BBS9: variants seen among roughly 807,000 people sequenced by gnomAD.
BBS9 encodes the protein Bardet-Biedl syndrome 9, also known as protein PTHB1.
Under a neutral mutation model 117.7 loss-of-function variants are expected in BBS9, and 89 were observed. The observed-to-expected ratio is 0.76, with a 90% confidence interval of 0.64 to 0.90. The LOEUF (loss-of-function observed/expected upper bound fraction) is 0.90, where lower values mean the gene tolerates loss of function less well. Among genes scored for constraint, BBS9 ranks in the 40% least tolerant of loss-of-function variants. The probability of loss-of-function intolerance (pLI) is 0.00; values close to 1 mark genes in which losing one functional copy is unlikely to be tolerated. For missense variants in BBS9, 982 were observed against 1,042.2 expected (o/e 0.94, Z 0.80); for synonymous variants, 379 against 370.9 (o/e 1.02, Z -0.25).
chr7:33,475,360 A>C, intron 19 of BBS9, among the ~76,000 whole-genome samples: 1 of 152,244 alleles, frequency 6.6e-6, no homozygotes, highest in East Asian at 1.9e-4. Context: ...GTTAGAATCA[A>C]CTGGGGACTT....
At chr7:33,189,389 G>C (rs747861023) in intron 5 of BBS9, among the ~76,000 whole-genome samples, 2 of 151,900 alleles carry the variant, frequency 1.3e-5, no homozygotes, top group Admixed American at 6.6e-5. Flanking sequence ...GTTTCTCATC[G>C]TGTAATTTGT....
At chr7:33,424,026 G>A (rs576757723) in intron 19 of BBS9, among the ~76,000 whole-genome samples, 14 of 151,858 alleles carry the variant, frequency 9.2e-5, no homozygotes, top group Admixed American at 5.2e-4. Context: ...TTTTTGCTCC[G>A]GCCACCAGCA....
At chr7:33,385,089 G>C (rs1219721019) in intron 18 of BBS9, among the ~76,000 whole-genome samples, 2 of 151,992 alleles carry the variant, frequency 1.3e-5, no homozygotes, top group Non-Finnish European at 2.9e-5. Context: ...TTTGTGAAAG[G>C]GTCCATGGAA....
intron 19 of BBS9, among the ~76,000 whole-genome samples, chr7:33,440,673 G>A (rs537969522): frequency 3.9e-5 from 6 of 152,256 alleles, no homozygotes; most frequent in South Asian, 2.1e-4. Context: ...ACCTAAAAAC[G>A]TACTGAATCA....
chr7:33,344,524 C>G (rs375838895), intron 11 of BBS9, 57 bp from the exon 12 acceptor site: 1 of 1,449,952 alleles, frequency 6.9e-7, no homozygotes, highest in Non-Finnish European at 9.7e-7. Context: ...TGTGTTCACT[C>G]ACTGCTGTGT....
chr7:33,449,655 G>C (rs144440795), intron 19 of BBS9, among the ~76,000 whole-genome samples: 1 of 152,134 alleles, frequency 6.6e-6, no homozygotes, highest in Non-Finnish European at 1.5e-5. Flanking sequence ...CTGTGTTAGA[G>C]TACAAAGACA....
At chr7:33,207,710 G>A (rs1787204156) in intron 5 of BBS9, among the ~76,000 whole-genome samples, 1 of 152,042 alleles carries the variant, frequency 6.6e-6, no homozygotes, top group African/African-American at 2.4e-5. Context: ...CAGGGACAGT[G>A]CTAGAAAATA....
intron 19 of BBS9, among the ~76,000 whole-genome samples, chr7:33,424,605 G>A (rs2128864735): frequency 6.6e-6 from 1 of 152,194 alleles, no homozygotes; most frequent in Non-Finnish European, 1.5e-5. Context: ...ACCAGAAACA[G>A]GTATTTAAAA....
At chr7:33,544,315 G>A (rs12701303) in intron 21 of BBS9, among the ~76,000 whole-genome samples, 3,621 of 152,210 alleles carry the variant, frequency 0.024, 54 homozygotes, top group Non-Finnish European at 0.036. Context: ...TTCTCATTTG[G>A]GTAGTCTCTG....
intron 9 of BBS9, among the ~76,000 whole-genome samples, chr7:33,335,444 T>TAACAAACA (rs1815135318): frequency 6.6e-6 from 1 of 152,154 alleles, no homozygotes; most frequent in African/African-American, 2.4e-5. Context: ...GTAGAAAACC[T>TAACAAACA]AACAAACAAA....
At position 33,273,085 on chromosome 7, in the gene BBS9, C is replaced by T. The variant is rs1241493246; in HGVS notation, c.776C>T (p.Ser259Phe). The T allele has an allele frequency of 6.2e-7, 1 of 1,613,624 alleles. No individual in the cohort carries two copies. Among genetic ancestry groups the T allele is most frequent in the Non-Finnish European group, 8.5e-7 (1 of 1,179,814 alleles). ...CIVSFNQSAS[S>F]VFVLGERNFF... ...GTCTCTTTCAATCAGTCGGCATCCT[C>T]TGTTTTTGTTCTTGGTGAGAGAAAC... Residue 259 changes from serine to phenylalanine, a missense_variant, in exon 8 of 23, where the codon TCT (serine) becomes TTT (phenylalanine). Coordinates refer to ENST00000242067, the MANE Select transcript of BBS9 (RefSeq NM_198428.3).
At chr7:33,259,924 TC>T in intron 6 of BBS9, among the ~76,000 whole-genome samples, 1 of 151,848 alleles carries the variant, frequency 6.6e-6, no homozygotes. Flanking sequence ...TTTGAAGGTT[TC>T]TTCTCATATC....
At chr7:33,604,753 G>A in intron 21 of BBS9, 112 bp from the exon 22 acceptor site, 1 of 798,520 alleles carries the variant, frequency 1.3e-6, no homozygotes, top group Middle Eastern at 3.4e-4. Context: ...GAAGATTGTT[G>A]TCACGTCATT....
At chr7:33,256,356 T>C (rs1797074757) in intron 5 of BBS9, among the ~76,000 whole-genome samples, 1 of 152,222 alleles carries the variant, frequency 6.6e-6, no homozygotes. Context: ...GAACATTCAT[T>C]CACAGACAAT....
intron 19 of BBS9, among the ~76,000 whole-genome samples, chr7:33,470,554 T>C (rs910763456): frequency 5.3e-5 from 8 of 152,200 alleles, no homozygotes; most frequent in South Asian, 2.1e-4. Flanking sequence ...CCTCTATTGA[T>C]ATGTACGATG....
intron 4 of BBS9, among the ~76,000 whole-genome samples, chr7:33,177,051 G>T (rs1271751435): frequency 6.6e-6 from 1 of 152,080 alleles, no homozygotes; most frequent in East Asian, 1.9e-4. Flanking sequence ...GAGAGTTGGG[G>T]TAGGAACACT....
At chr7:33,391,401 A>T (rs573171011) in intron 19 of BBS9, among the ~76,000 whole-genome samples, 1 of 152,198 alleles carries the variant, frequency 6.6e-6, no homozygotes, top group East Asian at 1.9e-4. Context: ...AATGTTCTCT[A>T]TGAGACACAC....
intron 4 of BBS9, among the ~76,000 whole-genome samples, chr7:33,167,690 C>T (rs550779395): frequency 5.9e-5 from 9 of 152,100 alleles, no homozygotes; most frequent in Admixed American, 6.6e-5. Context: ...TGAGCCACCA[C>T]GATCAGCCTT....
At chr7:33,153,194 A>G (rs1287662000) in intron 3 of BBS9, among the ~76,000 whole-genome samples, 2 of 152,206 alleles carry the variant, frequency 1.3e-5, no homozygotes, top group African/African-American at 4.8e-5. Context: ...TAGATGAAGT[A>G]GCAGATAACC....
Sources: gnomAD v4.1 joint callset for allele counts (sites outside exome capture counted in the v4.1 genomes callset) on GRCh38, gnomAD v4.1.1 for gene constraint, MANE v1.5 for transcripts, NCBI Gene and HGNC (gene_info 2026-07-23, HGNC 2026-07-21) for gene names.